KCNH7: variants seen among roughly 807,000 people sequenced by gnomAD.
KCNH7 encodes potassium voltage-gated channel subfamily H member 7, also known as voltage-gated inwardly rectifying potassium channel KCNH7.
In KCNH7, 49 loss-of-function variants were observed where a neutral mutation model predicts 120.8. The observed-to-expected ratio is 0.41, with a 90% CI of 0.32 to 0.51. The LOEUF is 0.51. KCNH7 is among the 20% of genes least tolerant of loss of function. KCNH7 has a pLI of 0.38. For missense variants in KCNH7, 1,097 were observed against 1,446.6 expected (o/e 0.76, Z 3.92); for synonymous variants, 547 against 516.1 (o/e 1.06, Z -0.81).
intron 6 of KCNH7, among the ~76,000 whole-genome samples, chr2:162,478,772 C>T (rs564894948): frequency 1.6e-4 from 24 of 152,210 alleles, no homozygotes; most frequent in Non-Finnish European, 3.1e-4. Context: ...ATGTTTCTGG[C>T]ACTAATTTAA....
intron 2 of KCNH7, among the ~76,000 whole-genome samples, chr2:162,608,312 A>C (rs1257155746): frequency 1.3e-5 from 2 of 152,260 alleles, no homozygotes; most frequent in East Asian, 3.9e-4. Flanking sequence ...ACTCCAAACA[A>C]AATTTTCTTT....
chr2:162,410,913 C>A (rs1687373371), intron 9 of KCNH7, among the ~76,000 whole-genome samples: 1 of 152,054 alleles, frequency 6.6e-6, no homozygotes, highest in African/African-American at 2.4e-5. Flanking sequence ...CATCTCACAC[C>A]AGTCAGAATG....
At chr2:162,599,319 A>G (rs1260638503) in intron 2 of KCNH7, among the ~76,000 whole-genome samples, 1 of 152,096 alleles carries the variant, frequency 6.6e-6, no homozygotes, top group Non-Finnish European at 1.5e-5. Flanking sequence ...TAAACTCCAC[A>G]TAAGTATTTC....
intron 2 of KCNH7, among the ~76,000 whole-genome samples, chr2:162,720,910 C>G (rs990955505): frequency 6.6e-6 from 1 of 152,112 alleles, no homozygotes; most frequent in African/African-American, 2.4e-5. Flanking sequence ...AGGCTCTACA[C>G]ACTTTTATTT....
intron 2 of KCNH7, among the ~76,000 whole-genome samples, chr2:162,721,528 A>G (rs1307896216): frequency 6.6e-6 from 1 of 152,120 alleles, no homozygotes; most frequent in Non-Finnish European, 1.5e-5. Context: ...CAGCAGTCTT[A>G]TATTACTTGA....
chr2:162,739,283 A>G (rs1688030249), intron 2 of KCNH7, among the ~76,000 whole-genome samples: 2 of 152,068 alleles, frequency 1.3e-5, no homozygotes, highest in South Asian at 4.1e-4. Flanking sequence ...CCATGCTTCA[A>G]ATTCCTGCTA....
intron 6 of KCNH7, among the ~76,000 whole-genome samples, chr2:162,470,132 G>C (rs546652997): frequency 6.6e-6 from 1 of 152,032 alleles, no homozygotes; most frequent in African/African-American, 2.4e-5. Context: ...CCGCCACCCC[G>C]TCTGGGAAGT....
At chr2:162,391,288 A>G (rs1686738410) in intron 12 of KCNH7, among the ~76,000 whole-genome samples, 1 of 152,064 alleles carries the variant, frequency 6.6e-6, no homozygotes, top group Admixed American at 6.6e-5. Flanking sequence ...TGTTCTTTAT[A>G]TTATGTGTAT....
chr2:162,516,438 G>A (rs536693699), intron 4 of KCNH7, among the ~76,000 whole-genome samples: 2 of 151,794 alleles, frequency 1.3e-5, no homozygotes, highest in Admixed American at 6.6e-5. Context: ...AAGAAAACAC[G>A]TGTTACATTT....
chr2:162,737,257 G>A (rs913878667), intron 2 of KCNH7, among the ~76,000 whole-genome samples: 21 of 152,076 alleles, frequency 1.4e-4, no homozygotes, highest in African/African-American at 2.7e-4. Flanking sequence ...GTAAGGGCTC[G>A]TAAGCTCTAA....
intron 2 of KCNH7, among the ~76,000 whole-genome samples, chr2:162,782,841 C>A (rs1683550815): frequency 6.6e-6 from 1 of 152,202 alleles, no homozygotes; most frequent in African/African-American, 2.4e-5. Flanking sequence ...TCTGGTTAAG[C>A]TGGAAATCAT....
rs571034411 is a variant in KCNH7 at position 162,575,294 on chromosome 2, A to G, written c.308-38214T>C. 2.6e-5 allele frequency among the ~76,000 whole-genome samples: 4 copies of G among 152,022 alleles called. No homozygotes were observed. The East Asian group carries it at 5.8e-4, about 22-fold the overall frequency. On this transcript the variant is annotated intron_variant, in intron 2 of 15. Coordinates refer to ENST00000332142, the MANE Select transcript of KCNH7 (RefSeq NM_033272.4). The stretch of plus-strand genomic sequence containing the variant: ...TGGCCTTCTGCCTTATTCCTCAATC[A>G]TGGTTCTCTTCCCGCATTTACCCTA...
chr2:162,764,770 G>A (rs1440107519), intron 2 of KCNH7, among the ~76,000 whole-genome samples: 1 of 152,084 alleles, frequency 6.6e-6, no homozygotes, highest in Non-Finnish European at 1.5e-5. Flanking sequence ...AGCAGATGCA[G>A]TTTCAACTTT....
rs186354688 is a variant in KCNH7, at chr2:162,821,736, T to C, written c.307+14801A>G. 3.3e-5 allele frequency among the ~76,000 whole-genome samples: 5 copies of C among 152,312 alleles called. No homozygotes were observed. The East Asian group carries it at 5.8e-4, about 18-fold the overall frequency. Reference sequence around the variant, plus strand: ...ATCACCTTAACTGTGGTGCTTATATTTGGACATTTACATCTACATACTTTC... The same window carrying C: ...ATCACCTTAACTGTGGTGCTTATATCTGGACATTTACATCTACATACTTTC... On this transcript the variant is annotated intron_variant, in intron 2 of 15. Transcript: ENST00000332142.
chr2:162,440,324 T>A (rs947086113), intron 7 of KCNH7, among the ~76,000 whole-genome samples: 1 of 152,038 alleles, frequency 6.6e-6, no homozygotes, highest in Non-Finnish European at 1.5e-5. Flanking sequence ...TTCTACTTAA[T>A]CCATCACTTG....
rs568888162 is a variant in KCNH7, at chr2:162,710,743, C to T, written c.307+125794G>A. On this transcript the variant is annotated intron_variant, in intron 2 of 15. Coordinates refer to ENST00000332142, the MANE Select transcript of KCNH7 (RefSeq NM_033272.4). ...CAGAGCTGCCTGCTAGCAGCTGCTG[C>T]TACTTAGCTTTGGTTGATTTTTGCT... Among the ~76,000 whole-genome samples, 4 of 152,252 alleles carry T rather than the reference C, an allele frequency of 2.6e-5. No homozygotes were observed. In the South Asian group the frequency reaches 8.3e-4, roughly 32 times the overall value.
At chr2:162,648,568 C>G (rs532888668) in intron 2 of KCNH7, among the ~76,000 whole-genome samples, 1 of 152,280 alleles carries the variant, frequency 6.6e-6, no homozygotes, top group Non-Finnish European at 1.5e-5. Context: ...TGTTAGCATT[C>G]CATGAATACA....
intron 2 of KCNH7, among the ~76,000 whole-genome samples, chr2:162,553,089 C>T (rs550116614): frequency 1.3e-5 from 2 of 152,290 alleles, no homozygotes; most frequent in Middle Eastern, 3.4e-3. Flanking sequence ...TCTTATCTGA[C>T]ATTTTACAAA....
At chr2:162,834,036 A>T (rs781277822) in intron 2 of KCNH7, among the ~76,000 whole-genome samples, 4 of 152,198 alleles carry the variant, frequency 2.6e-5, no homozygotes, top group African/African-American at 4.8e-5. Flanking sequence ...ATAACGAATT[A>T]CGGAAACTTT....
Sources: allele counts gnomAD v4.1 joint callset (sites outside exome capture counted in the v4.1 genomes callset), GRCh38; gene constraint gnomAD v4.1.1; transcripts MANE v1.5; gene names NCBI Gene and HGNC (gene_info 2026-07-23, HGNC 2026-07-21).